The following NPLOC4 variants were observed in gnomAD, a reference collection of about 807,000 sequenced individuals.
NPLOC4 encodes the protein NPL4 homolog, ubiquitin recognition factor.
NPLOC4 carries 18 observed loss-of-function variants against 80.6 expected under a neutral mutation model. That is an observed-to-expected ratio of 0.22 (90% CI 0.15 to 0.33). The LOEUF (loss-of-function observed/expected upper bound fraction) is 0.33. Ranked by LOEUF, NPLOC4 falls within the 10% of genes least tolerant of loss-of-function variation. The pLI is 1.00. For synonymous variants in NPLOC4, 313 were observed against 301.5 expected (o/e 1.04, Z -0.39); for missense variants, 540 against 786.1 (o/e 0.69, Z 3.74).
In NPLOC4 at chr17:81,580,435, C is replaced by A. The variant is rs1161001882; in HGVS notation, c.1282-8347G>T. 6.6e-6 allele frequency among the ~76,000 whole-genome samples: 1 copy of A among 152,218 alleles called. No individual in the cohort carries two copies. The highest frequency in any genetic ancestry group is 2.4e-5 in the African/African-American group (1 of 41,456). ...CAGAGTGATCGTCTCACAGCCCCGG[C>A]ACAGCCATCTCCCTTCAGCACCTTT... On this transcript the variant is annotated intron_variant, in intron 12 of 16. Transcript: ENST00000331134. The surrounding 1 kb of genome is among the most constrained non-coding windows in gnomAD (Gnocchi z 4.4).
At chr17:81,617,163 C>A (rs9747336) in intron 3 of NPLOC4, among the ~76,000 whole-genome samples, 3 of 152,020 alleles carry the variant, frequency 2.0e-5, no homozygotes, top group Non-Finnish European at 4.4e-5. Context: ...TGGAGGCCAG[C>A]GGGCCAATGT....
intron 9 of NPLOC4, 61 bp from the exon 10 acceptor site, chr17:81,597,377 G>T: frequency 7.5e-7 from 1 of 1,335,988 alleles, no homozygotes; most frequent in Non-Finnish European, 1.1e-6. Flanking sequence ...ATGGCTGGGC[G>T]CAGTGACTCA....
At chr17:81,564,393 G>A (rs1170798662) in intron 16 of NPLOC4, 1 of 153,412 alleles carries the variant, frequency 6.5e-6, no homozygotes, top group African/African-American at 2.4e-5. Flanking sequence ...CCTGGAGTTT[G>A]AGGCTGCAGT....
intron 6 of NPLOC4, 126 bp from the exon 7 acceptor site, chr17:81,606,940 A>G (rs984653652): frequency 1.6e-5 from 13 of 805,892 alleles, no homozygotes; most frequent in Non-Finnish European, 1.8e-5. Context: ...TGGCAGCAGC[A>G]GGGAAGATGG....
At chr17:81,611,558 C>A (rs1456157328) in intron 4 of NPLOC4, among the ~76,000 whole-genome samples, 1 of 151,596 alleles carries the variant, frequency 6.6e-6, no homozygotes, top group African/African-American at 2.4e-5. Context: ...CCATATTGGT[C>A]AGGCTGGTCT....
At chr17:81,593,746 G>T (rs906712621) in intron 11 of NPLOC4, among the ~76,000 whole-genome samples, 1 of 151,474 alleles carries the variant, frequency 6.6e-6, no homozygotes. Context: ...CGCTGGCCAG[G>T]CAGAATTCTA....
intron 3 of NPLOC4, among the ~76,000 whole-genome samples, chr17:81,615,392 G>A (rs944342392): frequency 6.6e-5 from 10 of 152,112 alleles, no homozygotes; most frequent in South Asian, 2.1e-4. Flanking sequence ...GAGCCACCAC[G>A]TCCAGCCGAG....
intron 12 of NPLOC4, among the ~76,000 whole-genome samples, chr17:81,586,820 T>C (rs919574190): frequency 6.6e-6 from 1 of 152,078 alleles, no homozygotes; most frequent in African/African-American, 2.4e-5. Flanking sequence ...GGTTACACTG[T>C]AGAAAAAGGG....
intron 7 of NPLOC4, 52 bp downstream of exon 7, chr17:81,606,639 T>C: frequency 6.3e-7 from 1 of 1,584,966 alleles, no homozygotes; most frequent in South Asian, 1.1e-5. Context: ...CTTCTGGAAA[T>C]ATCCGTTTCT....
At chr17:81,564,109 C>CACACACACACACACAGACACAG (rs751782727) in intron 16 of NPLOC4, 2 of 334,464 alleles carry the variant, frequency 6.0e-6, no homozygotes, top group African/African-American at 4.5e-5. Context: ...CACACACACA[C>CACACACACACACACAGACACAG]ACACACACAA....
chr17:81,579,361 G>A (rs1472473430), intron 12 of NPLOC4, among the ~76,000 whole-genome samples: 3 of 152,214 alleles, frequency 2.0e-5, no homozygotes. Context: ...CTAGGTGACA[G>A]AGCGAGACTC....
At chr17:81,591,748 C>A (rs182516055) in intron 11 of NPLOC4, among the ~76,000 whole-genome samples, 2 of 152,290 alleles carry the variant, frequency 1.3e-5, no homozygotes, top group Admixed American at 1.3e-4. Context: ...ACTATCATTC[C>A]CTTCACAAAT....
chr17:81,573,362 A>C (rs1286056717), intron 12 of NPLOC4: 2 of 152,180 alleles, frequency 1.3e-5, no homozygotes, highest in Non-Finnish European at 2.9e-5. Context: ...GATGTCAGGA[A>C]GCCCCGCTGT....
rs778199159 is a variant in NPLOC4 at position 81,622,233 on chromosome 17, T to C, written c.142A>G (p.Ile48Val). The C allele has an allele frequency of 1.2e-5, 19 of 1,613,972 alleles. No homozygotes were observed. Among genetic ancestry groups the C allele is most frequent in the Non-Finnish European group, 1.4e-5 (17 of 1,179,844 alleles). ...GFQNNGFSVY[I>V]NRNKTGEITA... Reference sequence around the variant, plus strand: ...ATCTCTCCGGTCTTGTTTCTATTGATGTAAACCGAGAAGCCATTATTTTGG... The same window carrying C: ...ATCTCTCCGGTCTTGTTTCTATTGACGTAAACCGAGAAGCCATTATTTTGG... Residue 48 changes from isoleucine (I) to valine (V), a missense_variant, in exon 3 of 17, where the codon ATC becomes GTC. Around this residue, in one of 6 missense-constraint regions of NPLOC4, gnomAD observed 62 missense variants for 84.4 expected, o/e 0.73. Coordinates refer to ENST00000331134, the MANE Select transcript of NPLOC4 (RefSeq NM_017921.4).
At chr17:81,621,998 A>G (rs1187960352) in intron 3 of NPLOC4, among the ~76,000 whole-genome samples, 168 bp downstream of exon 3, 4 of 152,218 alleles carry the variant, frequency 2.6e-5, no homozygotes, top group African/African-American at 9.6e-5. Flanking sequence ...CAGATTCAGG[A>G]TAATTACTGA....
chr17:81,591,528 A>C (rs558762825), intron 11 of NPLOC4, among the ~76,000 whole-genome samples: 2 of 152,094 alleles, frequency 1.3e-5, no homozygotes, highest in African/African-American at 4.8e-5. Flanking sequence ...AGAAAGAAAA[A>C]TCTAGCAGTT....
chr17:81,613,170 T>G (rs561663648), intron 4 of NPLOC4, 148 bp downstream of exon 4: 36 of 603,452 alleles, frequency 6.0e-5, no homozygotes, highest in South Asian at 1.5e-4. Context: ...ACAAGATAAC[T>G]TGAAGTTTAA....
rs562727639 is a variant in NPLOC4, at chr17:81,614,541, G to A, written c.210-1047C>T. Among the ~76,000 whole-genome samples, 4 of 150,602 alleles carry A rather than the reference G, an allele frequency of 2.7e-5. No individual in the cohort carries two copies. In the South Asian group the frequency reaches 8.4e-4, roughly 32 times the overall value. The stretch of plus-strand genomic sequence containing the variant: ...CGTCCCTGTGGTTTTCCTTCTAAAG[G>A]GCAAACTCCCAGGAGTCAGACTTAA... On this transcript the variant is annotated intron_variant, in intron 3 of 16. Transcript: ENST00000331134.
chr17:81,601,677 G>T (rs1052074247), intron 8 of NPLOC4, among the ~76,000 whole-genome samples: 1 of 152,158 alleles, frequency 6.6e-6, no homozygotes, highest in Non-Finnish European at 1.5e-5. Context: ...TGACCTAAGG[G>T]TTGAGACTTC....
Sources: gnomAD v4.1 joint callset for allele counts (sites outside exome capture counted in the v4.1 genomes callset) on GRCh38, gnomAD v4.1.1 for gene constraint, gnomAD v4.1.1 regional missense constraint, Gnocchi (gnomAD v3.1) non-coding constraint, MANE v1.5 for transcripts, NCBI Gene and HGNC (gene_info 2026-07-23, HGNC 2026-07-21) for gene names.